The following XKR6 variants were observed in gnomAD, a reference collection of about 807,000 sequenced individuals.
XKR6 encodes XK related 6, also known as XK-related protein 6.
In XKR6, 22 loss-of-function variants were observed where a neutral mutation model predicts 56.7. The ratio of observed to expected loss-of-function variants is 0.39; its 90% CI spans 0.28 to 0.55. The LOEUF (loss-of-function observed/expected upper bound fraction) is 0.55. Among genes scored for constraint, XKR6 ranks in the 20% least tolerant of loss-of-function variants. The pLI is 0.66. For synonymous variants in XKR6, 524 were observed against 387.8 expected, an observed-to-expected ratio of 1.35 and a Z score of -4.13; for missense variants, 852 against 889.0, an observed-to-expected ratio of 0.96 and a Z score of 0.53.
chr8:11,111,658 T>C (rs1798899966), intron 1 of XKR6: 1 of 152,064 alleles, frequency 6.6e-6, no homozygotes, highest in East Asian at 1.9e-4. Context: ...AAGATAACTG[T>C]CTCCAAAGCA....
At position 11,146,784 on chromosome 8, in the gene XKR6, T is replaced by C. The variant is rs1488300957; in HGVS notation, c.764+53792A>G. Among the ~76,000 whole-genome samples, 3 of 152,030 alleles carry C rather than the reference T, an allele frequency of 2.0e-5. No individual in the cohort carries two copies. The East Asian group carries it at 5.8e-4, about 29-fold the overall frequency. ...GGTAAACACACACAATGAAAAAACA[T>C]TTGTTCTTAAAAAGGAAGGAAATCC... On this transcript the variant is annotated intron_variant, in intron 1 of 2. Coordinates refer to ENST00000416569, the MANE Select transcript of XKR6 (RefSeq NM_173683.4).
intron 1 of XKR6, among the ~76,000 whole-genome samples, chr8:10,929,300 C>T (rs577016581): frequency 1.3e-5 from 2 of 152,242 alleles, no homozygotes; most frequent in Non-Finnish European, 2.9e-5. Flanking sequence ...GAGGTAGCTG[C>T]AATATTACCT....
At chr8:11,190,024 G>A (rs1390306731) in intron 1 of XKR6, among the ~76,000 whole-genome samples, 2 of 152,122 alleles carry the variant, frequency 1.3e-5, no homozygotes, top group Non-Finnish European at 2.9e-5. Flanking sequence ...GGGTATGGTG[G>A]CTCATGCCTG....
chr8:11,001,185 A>G (rs1322944608), intron 1 of XKR6, among the ~76,000 whole-genome samples: 1 of 152,212 alleles, frequency 6.6e-6, no homozygotes, highest in Non-Finnish European at 1.5e-5. Flanking sequence ...CCTCCTACTC[A>G]ACCACAACTC....
Position 11,066,542 on chromosome 8 carries a change from G to A in XKR6, c.764+134034C>T, listed in dbSNP as rs144844083. Among the ~76,000 whole-genome samples, 71 of 152,272 alleles carry A rather than the reference G, an allele frequency of 4.7e-4. No homozygotes were observed. The East Asian group carries it at 9.1e-3, about 19-fold the overall frequency. Reference sequence around the variant, plus strand: ...GTTTTCACATTTATCCAATAGAGACGTCACCCGCCCAGGCTGACTCAAAGT... The same window carrying A: ...GTTTTCACATTTATCCAATAGAGACATCACCCGCCCAGGCTGACTCAAAGT... On this transcript the variant is annotated intron_variant, in intron 1 of 2. Coordinates refer to ENST00000416569, the MANE Select transcript of XKR6 (RefSeq NM_173683.4).
rs554678956 is a variant in XKR6, at chr8:10,960,121, G to A, written c.765-35291C>T. Among the ~76,000 whole-genome samples, 8 of 152,312 alleles carry A rather than the reference G, an allele frequency of 5.3e-5. No homozygotes were observed. The South Asian group carries it at 1.7e-3, about 32-fold the overall frequency. Reference sequence around the variant, plus strand: ...CCCATTAAAGATCTCTTCCAATCAGGAAAACATAAAAAGGTCTTTTCCTAG... The same window carrying A: ...CCCATTAAAGATCTCTTCCAATCAGAAAAACATAAAAAGGTCTTTTCCTAG... On this transcript the variant is annotated intron_variant, in intron 1 of 2. Transcript: ENST00000416569.
intron 1 of XKR6, among the ~76,000 whole-genome samples, chr8:11,045,175 C>G (rs2129157549): frequency 6.9e-6 from 1 of 145,542 alleles, no homozygotes; most frequent in African/African-American, 2.5e-5. Flanking sequence ...CAACCTCTGC[C>G]TCCAGGTTCA....
intron 1 of XKR6, among the ~76,000 whole-genome samples, chr8:11,085,026 C>A (rs1797840963): frequency 6.6e-6 from 1 of 152,168 alleles, no homozygotes; most frequent in South Asian, 2.1e-4. Context: ...TTTCCCACCC[C>A]CCAGCTCATC....
chr8:10,932,110 A>G (rs981702456), intron 1 of XKR6, among the ~76,000 whole-genome samples: 2 of 152,246 alleles, frequency 1.3e-5, no homozygotes, highest in Non-Finnish European at 2.9e-5. Flanking sequence ...GTTACAAGTA[A>G]ATAGGGAAAT....
chr8:11,159,689 C>G (rs1586631813), intron 1 of XKR6, among the ~76,000 whole-genome samples: 1 of 152,198 alleles, frequency 6.6e-6, no homozygotes, highest in Non-Finnish European at 1.5e-5. Flanking sequence ...CTGATGCAGA[C>G]CAGTCTGAAA....
At chr8:11,110,670 TA>T (rs1798853419) in intron 1 of XKR6, among the ~76,000 whole-genome samples, 2 of 152,210 alleles carry the variant, frequency 1.3e-5, no homozygotes, top group Non-Finnish European at 2.9e-5. Flanking sequence ...TCAAGTTTCT[TA>T]ATCCCAGGAA....
intron 1 of XKR6, among the ~76,000 whole-genome samples, chr8:10,961,831 A>T (rs1260526386): frequency 1.3e-5 from 2 of 152,188 alleles, no homozygotes; most frequent in African/African-American, 4.8e-5. Context: ...TCCGAGGGGA[A>T]CGTTGCCAGG....
At position 11,122,065 on chromosome 8, in the gene XKR6, G is replaced by C. The variant is rs79983241; in HGVS notation, c.764+78511C>G. ...TCAATAGCACACAGTGTGCCATAAA[G>C]TGAGTGATAATCAATTGTTTTTCAT... On this transcript the variant is annotated intron_variant, in intron 1 of 2. Transcript: ENST00000416569. Among the ~76,000 whole-genome samples, 225 of 152,314 alleles carry C rather than the reference G, an allele frequency of 1.5e-3. 3 individuals carry two copies. In the South Asian group the frequency reaches 0.019, roughly 13 times the overall value.
intron 1 of XKR6, among the ~76,000 whole-genome samples, chr8:11,070,867 G>A (rs993636715): frequency 3.3e-5 from 5 of 152,168 alleles, no homozygotes; most frequent in South Asian, 2.1e-4. Context: ...CTTCCTGCCC[G>A]CTGCCCCTCA....
At chr8:11,108,037 G>A (rs1798746772) in intron 1 of XKR6, 4 of 326,274 alleles carry the variant, frequency 1.2e-5, no homozygotes, top group Non-Finnish European at 2.4e-5. Context: ...TCTCAGCGAG[G>A]CTGTATTTTG....
At chr8:10,974,351 G>C (rs569333415) in intron 1 of XKR6, among the ~76,000 whole-genome samples, 1 of 152,352 alleles carries the variant, frequency 6.6e-6, no homozygotes, top group East Asian at 1.9e-4. Context: ...CAGTCACAGT[G>C]AGACCATTGC....
At chr8:10,944,669 T>G (rs1047718506) in intron 1 of XKR6, among the ~76,000 whole-genome samples, 1 of 152,138 alleles carries the variant, frequency 6.6e-6, no homozygotes, top group African/African-American at 2.4e-5. Flanking sequence ...CTCTAGAACC[T>G]TCCACAGCCT....
chr8:11,058,281 C>A (rs1799736794), intron 1 of XKR6, among the ~76,000 whole-genome samples: 1 of 152,126 alleles, frequency 6.6e-6, no homozygotes, highest in Non-Finnish European at 1.5e-5. Flanking sequence ...CCTCAAGGAT[C>A]TAGTACCAGA....
chr8:11,144,749 T>G (rs1003115385), intron 1 of XKR6, among the ~76,000 whole-genome samples: 12 of 151,922 alleles, frequency 7.9e-5, no homozygotes, highest in African/African-American at 2.7e-4. Context: ...ATTCAAACAC[T>G]ACCTTCCATT....
Sources: allele counts gnomAD v4.1 joint callset (sites outside exome capture counted in the v4.1 genomes callset), GRCh38; gene constraint gnomAD v4.1.1; transcripts MANE v1.5; gene names NCBI Gene and HGNC (gene_info 2026-07-23, HGNC 2026-07-21).